Variants in PDE10A observed in about 807,000 individuals in gnomAD.
PDE10A encodes phosphodiesterase 10A.
Under a neutral mutation model 97.7 loss-of-function variants are expected in PDE10A, and 39 were observed. The observed-to-expected ratio is 0.40, with a 90% CI of 0.31 to 0.52. The LOEUF (loss-of-function observed/expected upper bound fraction) is 0.52, where lower values mean the gene tolerates loss of function less well. PDE10A is among the 20% of genes least tolerant of loss of function. The probability of loss-of-function intolerance (pLI) is 0.56; values close to 1 mark genes in which losing one functional copy is unlikely to be tolerated. For missense variants in PDE10A, 731 were observed against 1,047.8 expected (o/e 0.70, Z 4.17); for synonymous variants, 371 against 376.8 (o/e 0.98, Z 0.18).
intron 18 of PDE10A, among the ~76,000 whole-genome samples, chr6:165,365,711 C>G (rs1042309169): frequency 6.6e-6 from 1 of 151,822 alleles, no homozygotes; most frequent in Non-Finnish European, 1.5e-5. Flanking sequence ...CAGAGAAAAC[C>G]CGGTCTCAAA....
chr6:165,395,352 G>A (rs1786081159), intron 14 of PDE10A, 88 bp from the exon 15 acceptor site: 9 of 905,744 alleles, frequency 9.9e-6, no homozygotes, highest in Non-Finnish European at 1.6e-5. Context: ...TTTGTACCAA[G>A]GAGCTAAAAA....
intron 5 of PDE10A, among the ~76,000 whole-genome samples, chr6:165,444,907 A>C (rs1389029150): frequency 6.6e-6 from 1 of 152,124 alleles, no homozygotes; most frequent in Non-Finnish European, 1.5e-5. Context: ...TTCTTTTTTT[A>C]ACCCTTAGTA....
intron 2 of PDE10A, among the ~76,000 whole-genome samples, chr6:165,505,448 C>CA (rs1281154788): frequency 6.6e-6 from 1 of 151,958 alleles, no homozygotes; most frequent in Non-Finnish European, 1.5e-5. Flanking sequence ...TGTGATTAAA[C>CA]ATACACTGAT....
At chr6:165,550,875 G>C (rs1341783274) in intron 1 of PDE10A, among the ~76,000 whole-genome samples, 2 of 152,086 alleles carry the variant, frequency 1.3e-5, no homozygotes, top group African/African-American at 4.8e-5. Context: ...GCGTGAGATG[G>C]TTTCATATTT....
chr6:165,450,656 GC>G (rs1251293682), intron 3 of PDE10A, among the ~76,000 whole-genome samples: 1 of 151,870 alleles, frequency 6.6e-6, no homozygotes, highest in Non-Finnish European at 1.5e-5. Flanking sequence ...CACCTCCTGG[GC>G]CCATCCTCCC....
At chr6:165,368,543 A>C (rs944516234) in intron 18 of PDE10A, among the ~76,000 whole-genome samples, 5 of 152,226 alleles carry the variant, frequency 3.3e-5, no homozygotes, top group African/African-American at 1.2e-4. Flanking sequence ...AAAATTTAAA[A>C]AGGGTATAAC....
intron 1 of PDE10A, among the ~76,000 whole-genome samples, chr6:165,621,606 A>G (rs575262837): frequency 3.4e-4 from 51 of 152,238 alleles, no homozygotes; most frequent in African/African-American, 1.0e-3. Context: ...GAATACAAAA[A>G]TTAGCCAGGC....
chr6:165,505,588 C>T (rs1376308569), intron 2 of PDE10A, among the ~76,000 whole-genome samples: 1 of 152,130 alleles, frequency 6.6e-6, no homozygotes, highest in Non-Finnish European at 1.5e-5. Context: ...ATGAGTTGAA[C>T]TGATGGTGCA....
At position 165,500,096 on chromosome 6, in the gene PDE10A, G is replaced by A. The variant is rs1780776110; in HGVS notation, c.995-17753C>T. On this transcript the variant is annotated intron_variant, in intron 2 of 21. Coordinates refer to ENST00000539869, the MANE Select transcript of PDE10A (RefSeq NM_001385079.1). ...TATGTAATTCTACAATGCTGAATAT[G>A]CGAATTATATTCAACATTATTCAAT... 2.0e-5 allele frequency among the ~76,000 whole-genome samples: 3 copies of A among 152,136 alleles called. No homozygotes were observed. The South Asian group carries it at 6.2e-4, about 31-fold the overall frequency.
intron 1 of PDE10A, among the ~76,000 whole-genome samples, chr6:165,967,160 C>T (rs370494829): frequency 6.6e-6 from 1 of 152,102 alleles, no homozygotes; most frequent in Non-Finnish European, 1.5e-5. Context: ...TGTGTCAGAC[C>T]CTGCAATATT....
At chr6:165,593,110 T>C (rs1025216225) in intron 1 of PDE10A, among the ~76,000 whole-genome samples, 5 of 152,176 alleles carry the variant, frequency 3.3e-5, no homozygotes, top group African/African-American at 1.2e-4. Flanking sequence ...CACGGAATAC[T>C]ATGCAGCCAT....
intron 1 of PDE10A, among the ~76,000 whole-genome samples, chr6:165,587,067 C>G (rs1357717071): frequency 6.6e-6 from 1 of 152,080 alleles, no homozygotes; most frequent in Non-Finnish European, 1.5e-5. Flanking sequence ...GTGACCAACT[C>G]TAAAGGATGA....
At chr6:165,596,226 T>A (rs891611517) in intron 1 of PDE10A, among the ~76,000 whole-genome samples, 1 of 152,204 alleles carries the variant, frequency 6.6e-6, no homozygotes, top group South Asian at 2.1e-4. Flanking sequence ...TACTGTTGGC[T>A]GTACCCTGAA....
At chr6:165,913,014 G>C (rs1782503862) in intron 1 of PDE10A, among the ~76,000 whole-genome samples, 1 of 152,126 alleles carries the variant, frequency 6.6e-6, no homozygotes, top group African/African-American at 2.4e-5. Flanking sequence ...CATTTTGAGT[G>C]CTGTTACAAG....
chr6:165,443,039 G>C (rs1790584477), intron 5 of PDE10A, among the ~76,000 whole-genome samples: 1 of 149,480 alleles, frequency 6.7e-6, no homozygotes, highest in Non-Finnish European at 1.5e-5. Context: ...TTGAACCCAG[G>C]AGGTGGAGGT....
At chr6:165,959,645 A>C (rs1309050556) in intron 1 of PDE10A, among the ~76,000 whole-genome samples, 1 of 152,190 alleles carries the variant, frequency 6.6e-6, no homozygotes, top group Non-Finnish European at 1.5e-5. Context: ...AATAGCGGGA[A>C]GGGAGTAGTT....
intron 1 of PDE10A, among the ~76,000 whole-genome samples, chr6:165,579,301 A>C (rs1003703957): frequency 6.6e-6 from 1 of 152,220 alleles, no homozygotes; most frequent in African/African-American, 2.4e-5. Context: ...AATTGATTGA[A>C]GCCAGGAATG....
chr6:165,378,902 C>T (rs1275595621), intron 18 of PDE10A, among the ~76,000 whole-genome samples: 1 of 152,176 alleles, frequency 6.6e-6, no homozygotes, highest in Non-Finnish European at 1.5e-5. Context: ...CAAGAAGGGA[C>T]CTCTTGGAGA....
chr6:165,450,025 T>A (rs1043966974), intron 4 of PDE10A, among the ~76,000 whole-genome samples: 1 of 152,226 alleles, frequency 6.6e-6, no homozygotes, highest in Admixed American at 6.5e-5. Flanking sequence ...CCTGTATATA[T>A]CAGGCAGATA....
Sources: gnomAD v4.1 joint callset for allele counts (sites outside exome capture counted in the v4.1 genomes callset) on GRCh38, gnomAD v4.1.1 for gene constraint, MANE v1.5 for transcripts, NCBI Gene and HGNC (gene_info 2026-07-23, HGNC 2026-07-21) for gene names.